Variants in SUMF1 observed in about 807,000 individuals in gnomAD.
The protein encoded by SUMF1 is sulfatase modifying factor 1.
In SUMF1, 48 loss-of-function variants were observed where a neutral mutation model predicts 47.6. That is an observed-to-expected ratio of 1.01 (90% CI 0.80 to 1.28). The LOEUF (loss-of-function observed/expected upper bound fraction) is 1.28. Ranked by LOEUF, SUMF1 falls within the 50% of genes most tolerant of loss-of-function variation. SUMF1 has a pLI of 0.00. For missense variants in SUMF1, 571 were observed against 485.4 expected (o/e 1.18, Z -1.66); for synonymous variants, 230 against 192.1 (o/e 1.20, Z -1.63).
At chr3:4,294,232 A>T (rs1274573271) in intron 8 of SUMF1, among the ~76,000 whole-genome samples, 1 of 152,138 alleles carries the variant, frequency 6.6e-6, no homozygotes, top group East Asian at 1.9e-4. Flanking sequence ...AAAATTGATA[A>T]ATTTGAAATT....
chr3:4,117,375 G>C (rs1182231234), intron 8 of SUMF1, among the ~76,000 whole-genome samples: 1 of 152,012 alleles, frequency 6.6e-6, no homozygotes, highest in Non-Finnish European at 1.5e-5. Flanking sequence ...GGGACAAAAT[G>C]ACAAATTATT....
intron 8 of SUMF1, among the ~76,000 whole-genome samples, chr3:4,076,496 G>C (rs781173494): frequency 6.6e-6 from 1 of 152,048 alleles, no homozygotes; most frequent in South Asian, 2.1e-4. Flanking sequence ...AGACAAGTTG[G>C]ATCTAATTAA....
chr3:4,380,879 C>A (rs919222312), intron 7 of SUMF1, among the ~76,000 whole-genome samples: 1 of 152,112 alleles, frequency 6.6e-6, no homozygotes, highest in East Asian at 1.9e-4. Context: ...GAAATCTACC[C>A]CTGTTTAAAA....
intron 8 of SUMF1, among the ~76,000 whole-genome samples, chr3:4,331,879 G>C (rs1464786926): frequency 2.0e-5 from 3 of 152,106 alleles, no homozygotes; most frequent in Non-Finnish European, 2.9e-5. Context: ...TTATAGACAA[G>C]TTAGGTATCA....
rs373827390 is a variant in SUMF1 at position 4,409,715 on chromosome 3, G to C, written c.954+1150C>G. Among the ~76,000 whole-genome samples the C allele has an allele frequency of 9.2e-5, 14 of 152,264 alleles. No individual in the cohort carries two copies. In the East Asian group the frequency reaches 2.7e-3, roughly 29 times the overall value. Reference sequence around the variant, plus strand: ...ACCACTACTTCCACCAGCCCCGCTGGAAAGTAAAAGAAACTGAGGAGGGAT... The same window carrying C: ...ACCACTACTTCCACCAGCCCCGCTGCAAAGTAAAAGAAACTGAGGAGGGAT... On this transcript the variant is annotated intron_variant, in intron 7 of 8. Coordinates refer to ENST00000272902, the MANE Select transcript of SUMF1 (RefSeq NM_182760.4).
At chr3:4,255,143 C>G (rs901672417) in intron 8 of SUMF1, among the ~76,000 whole-genome samples, 2 of 150,078 alleles carry the variant, frequency 1.3e-5, no homozygotes, top group African/African-American at 4.9e-5. Flanking sequence ...ACAATCGGTA[C>G]CAGCCGCTGC....
chr3:4,432,099 T>C (rs948525268), intron 3 of SUMF1, among the ~76,000 whole-genome samples: 1 of 152,038 alleles, frequency 6.6e-6, no homozygotes, highest in Non-Finnish European at 1.5e-5. Context: ...CAAGTTCTTT[T>C]TCCATCATCT....
At chr3:4,298,730 A>G (rs1195611162) in intron 8 of SUMF1, among the ~76,000 whole-genome samples, 2 of 152,202 alleles carry the variant, frequency 1.3e-5, no homozygotes, top group Non-Finnish European at 2.9e-5. Flanking sequence ...CTTCATGTAT[A>G]CATTCCCCTA....
At chr3:4,336,929 C>A (rs1431954796) in intron 8 of SUMF1, among the ~76,000 whole-genome samples, 2 of 152,142 alleles carry the variant, frequency 1.3e-5, no homozygotes, top group Non-Finnish European at 2.9e-5. Flanking sequence ...GTCCTCTGGT[C>A]CAGATATATT....
In SUMF1 at chr3:4,185,592, G is replaced by A. The variant is rs534277832; in HGVS notation, c.1015-116847C>T. 5.9e-5 allele frequency among the ~76,000 whole-genome samples: 9 copies of A among 152,196 alleles called. No homozygotes were observed. The East Asian group carries it at 1.5e-3, about 26-fold the overall frequency. On this transcript the variant is annotated intron_variant and NMD_transcript_variant, in intron 8 of 12. Coordinates refer to the SUMF1 transcript ENST00000448413. ...GCACACTTCCAAAGTTAATACTAAT[G>A]CGAACTGTAGCAGTTGAAAGTTAAT... is the stretch of plus-strand genomic sequence containing the variant.
At chr3:4,314,100 G>A (rs1485883429) in intron 8 of SUMF1, 2 of 386,170 alleles carry the variant, frequency 5.2e-6, no homozygotes, top group Non-Finnish European at 9.4e-6. Context: ...ACTGGAACTG[G>A]AGCAGTCATC....
intron 8 of SUMF1, among the ~76,000 whole-genome samples, chr3:4,367,158 G>T (rs985585223): frequency 2.6e-5 from 4 of 152,214 alleles, no homozygotes; most frequent in South Asian, 4.2e-4. Flanking sequence ...TAGGCTGCTC[G>T]GGGGTCAGGG....
chr3:4,122,243 T>A (rs1693561781), intron 8 of SUMF1, among the ~76,000 whole-genome samples: 1 of 152,108 alleles, frequency 6.6e-6, no homozygotes, highest in South Asian at 2.1e-4. Flanking sequence ...TTATGGTGTA[T>A]CCGTATAACA....
At chr3:4,273,661 A>G (rs1163895322) in intron 8 of SUMF1, among the ~76,000 whole-genome samples, 3 of 147,804 alleles carry the variant, frequency 2.0e-5, no homozygotes, top group Non-Finnish European at 4.5e-5. Flanking sequence ...TAAGTAAATT[A>G]TACTCAATAA....
chr3:4,205,293 C>G (rs981712653), intron 8 of SUMF1, among the ~76,000 whole-genome samples: 1 of 152,176 alleles, frequency 6.6e-6, no homozygotes, highest in South Asian at 2.1e-4. Flanking sequence ...ACTCCACCAC[C>G]TATCCCCAAA....
At chr3:4,357,209 A>G (rs1015553425), downstream of SUMF1, among the ~76,000 whole-genome samples, 1 of 152,190 alleles carries the variant, frequency 6.6e-6, no homozygotes, top group African/African-American at 2.4e-5. Flanking sequence ...AATATTTAAA[A>G]AAGAAAAAAT....
At chr3:4,280,550 A>C (rs1210649091) in intron 8 of SUMF1, among the ~76,000 whole-genome samples, 2 of 152,134 alleles carry the variant, frequency 1.3e-5, no homozygotes, top group African/African-American at 4.8e-5. Context: ...TTTATAGAGA[A>C]GGTAGCTTTG....
At chr3:4,095,079 G>A (rs1692872837) in intron 8 of SUMF1, among the ~76,000 whole-genome samples, 1 of 152,076 alleles carries the variant, frequency 6.6e-6, no homozygotes, top group South Asian at 2.1e-4. Context: ...TAGGATAATT[G>A]CTGTGTCACC....
chr3:4,053,245 C>A (rs573277213), intron 9 of SUMF1, among the ~76,000 whole-genome samples: 3 of 152,208 alleles, frequency 2.0e-5, no homozygotes, highest in Admixed American at 1.3e-4. Flanking sequence ...GAAGCCAGAA[C>A]ACACACAAGA....
Sources: allele counts gnomAD v4.1 joint callset (sites outside exome capture counted in the v4.1 genomes callset), GRCh38; gene constraint gnomAD v4.1.1; transcripts MANE v1.5; gene names NCBI Gene and HGNC (gene_info 2026-07-23, HGNC 2026-07-21).